IQCM: variants seen among roughly 807,000 people sequenced by gnomAD.
IQCM encodes the protein IQ motif containing M, also known as IQ domain-containing protein M.
In IQCM, 45 loss-of-function variants were observed where a neutral mutation model predicts 57.6. The observed-to-expected ratio is 0.78, with a 90% CI of 0.62 to 1.00. The LOEUF is 1.00. Ranked by LOEUF, IQCM falls within the 50% of genes least tolerant of loss-of-function variation. The pLI is 0.00. For synonymous variants in IQCM, 148 were observed against 158.9 expected, an observed-to-expected ratio of 0.93 and a Z score of 0.51; for missense variants, 468 against 511.6, an observed-to-expected ratio of 0.91 and a Z score of 0.82.
chr4:149,561,997 A>G (rs919957013), intron 10 of IQCM, among the ~76,000 whole-genome samples: 2 of 152,176 alleles, frequency 1.3e-5, no homozygotes, highest in Admixed American at 1.3e-4. Flanking sequence ...GCATGAAAAT[A>G]TAAGATGACA....
chr4:149,517,535 A>T (rs1213240873), intron 12 of IQCM, among the ~76,000 whole-genome samples: 1 of 152,138 alleles, frequency 6.6e-6, no homozygotes, highest in Non-Finnish European at 1.5e-5. Flanking sequence ...GGAGATGTGT[A>T]TGGGTTCAAG....
intron 12 of IQCM, among the ~76,000 whole-genome samples, chr4:149,476,703 T>C (rs115347523): frequency 0.021 from 3,168 of 152,272 alleles, 62 homozygotes; most frequent in African/African-American, 0.051. Flanking sequence ...CTAGATTTAG[T>C]CTAAGCTCTA....
intron 7 of IQCM, among the ~76,000 whole-genome samples, chr4:149,679,063 A>G (rs1761983021): frequency 6.6e-6 from 1 of 151,726 alleles, no homozygotes; most frequent in Non-Finnish European, 1.5e-5. Flanking sequence ...TGAATGTATC[A>G]AAAAGACATC....
intron 2 of IQCM, among the ~76,000 whole-genome samples, chr4:149,778,404 A>G (rs1771306156): frequency 6.6e-6 from 1 of 152,058 alleles, no homozygotes. Context: ...AAATTAATAT[A>G]CAACATATCA....
At chr4:149,690,228 G>A (rs941273095) in intron 5 of IQCM, among the ~76,000 whole-genome samples, 4 of 152,012 alleles carry the variant, frequency 2.6e-5, no homozygotes, top group Admixed American at 6.6e-5. Flanking sequence ...ACACACAATG[G>A]AATATTACTC....
chr4:149,455,942 T>C (rs1449374569), intron 12 of IQCM, among the ~76,000 whole-genome samples: 1 of 151,938 alleles, frequency 6.6e-6, no homozygotes, highest in Non-Finnish European at 1.5e-5. Flanking sequence ...ACCACTGCAC[T>C]TCAGCCTGGG....
chr4:149,698,838 G>A (rs991495729), intron 5 of IQCM, among the ~76,000 whole-genome samples: 4 of 151,924 alleles, frequency 2.6e-5, no homozygotes, highest in African/African-American at 4.8e-5. Context: ...ATTTATCACC[G>A]GTATGACCCT....
At chr4:149,640,868 C>A (rs1439434805) in intron 7 of IQCM, among the ~76,000 whole-genome samples, 2 of 152,150 alleles carry the variant, frequency 1.3e-5, no homozygotes, top group Admixed American at 6.5e-5. Flanking sequence ...TGGCTCACAT[C>A]TATATAATCC....
At chr4:149,432,310 T>C (rs1734948180) in intron 13 of IQCM, among the ~76,000 whole-genome samples, 1 of 152,134 alleles carries the variant, frequency 6.6e-6, no homozygotes, top group African/African-American at 2.4e-5. Context: ...TGACTAATGA[T>C]GTTGATCATC....
intron 13 of IQCM, among the ~76,000 whole-genome samples, chr4:149,428,137 T>C (rs774227222): frequency 2.6e-5 from 4 of 151,666 alleles, no homozygotes; most frequent in Non-Finnish European, 5.9e-5. Context: ...AAAGAATAGC[T>C]CAAAATTAAG....
intron 5 of IQCM, chr4:149,710,927 CG>C (rs1260725085): frequency 6.6e-6 from 1 of 152,006 alleles, no homozygotes; most frequent in Non-Finnish European, 1.5e-5. Context: ...AACCACTCTC[CG>C]GCATTTTTTG....
chr4:149,703,862 A>T (rs1353353908), intron 5 of IQCM, among the ~76,000 whole-genome samples: 1 of 151,892 alleles, frequency 6.6e-6, no homozygotes, highest in African/African-American at 2.4e-5. Flanking sequence ...CAGTAAAGAC[A>T]GTGAGAATTA....
chr4:149,622,852 A>G (rs1372813496), intron 7 of IQCM, among the ~76,000 whole-genome samples: 2 of 152,306 alleles, frequency 1.3e-5, no homozygotes, highest in Middle Eastern at 3.4e-3. Flanking sequence ...ATTACGTACA[A>G]TAAGCAATAT....
chr4:149,596,437 TGA>T (rs1487411456), intron 8 of IQCM, among the ~76,000 whole-genome samples: 1 of 152,156 alleles, frequency 6.6e-6, no homozygotes, highest in African/African-American at 2.4e-5. Flanking sequence ...TGGCAATTTC[TGA>T]CAGCTTAGAG....
At chr4:149,776,719 G>A (rs977913948) in intron 2 of IQCM, among the ~76,000 whole-genome samples, 2 of 152,070 alleles carry the variant, frequency 1.3e-5, no homozygotes, top group Admixed American at 6.6e-5. Context: ...AATGTAAAGA[G>A]GGATGTCCTC....
Position 149,734,697 on chromosome 4 carries a change from G to A in IQCM, c.120+679C>T, listed in dbSNP as rs17026385. Reference sequence around the variant, plus strand: ...TCACCTGTCTTCCCAAAGGCCCAACGGTCACAATAGTTGCCCCTTCCCCAA... The same window carrying A: ...TCACCTGTCTTCCCAAAGGCCCAACAGTCACAATAGTTGCCCCTTCCCCAA... On this transcript the variant is annotated intron_variant, in intron 4 of 13. Transcript: ENST00000636793. 9.2e-3 allele frequency among the ~76,000 whole-genome samples: 1,403 copies of A among 151,982 alleles called. 10 individuals carry two copies. The highest frequency in any genetic ancestry group is 0.031 in the African/African-American group (1,299 of 41,470).
intron 7 of IQCM, among the ~76,000 whole-genome samples, chr4:149,623,987 ATC>A (rs1267501390): frequency 6.6e-6 from 1 of 152,248 alleles, no homozygotes; most frequent in Non-Finnish European, 1.5e-5. Context: ...TCATACTGAT[ATC>A]TGACTTTGTG....
chr4:149,461,233 C>CAAAAAA (rs61429806), intron 12 of IQCM, among the ~76,000 whole-genome samples: 1 of 71,908 alleles, frequency 1.4e-5, no homozygotes, highest in African/African-American at 6.1e-5. Context: ...AACTCCATCT[C>CAAAAAA]AAAAAAAAAA....
At chr4:149,396,777 C>G (rs1002899755) in intron 13 of IQCM, among the ~76,000 whole-genome samples, 18 of 152,142 alleles carry the variant, frequency 1.2e-4, no homozygotes, top group African/African-American at 4.1e-4. Context: ...AATCTGACTA[C>G]TTTACATACG....
Sources: allele counts gnomAD v4.1 joint callset (sites outside exome capture counted in the v4.1 genomes callset), GRCh38; gene constraint gnomAD v4.1.1; transcripts MANE v1.5; gene names NCBI Gene and HGNC (gene_info 2026-07-23, HGNC 2026-07-21).